Variants in OTOG observed in about 807,000 individuals in gnomAD.
OTOG encodes otogelin.
OTOG carries 296 observed loss-of-function variants against 313.8 expected under a neutral mutation model. That is an observed-to-expected ratio of 0.94 (90% CI 0.86 to 1.04). The LOEUF is 1.04. Ranked by LOEUF, OTOG falls within the 50% of genes least tolerant of loss-of-function variation. The pLI is 0.00. For synonymous variants in OTOG, 1,533 were observed against 1,554.9 expected (o/e 0.99, Z 0.33); for missense variants, 3,948 against 3,840.1 (o/e 1.03, Z -0.74).
chr11:17,610,684 C>A lies in OTOG; in HGVS notation c.5384C>A (p.Pro1795His). The change falls in exon 36 of 56, where the codon CCC (proline) becomes CAC (histidine). Residue 1795 changes from proline (P) to histidine (H), a missense_variant. Transcript: ENST00000399397. ...TTCATGTCCCTTGAGTCAACTCGTC[C>A]CTCCCAGCTCCTCTCTGGCCTGCCT... ...TPFMSLESTR[P>H]SQLLSGLPPD... The A allele has an allele frequency of 6.4e-7, 1 of 1,550,580 alleles. No individual in the cohort carries two copies. Among genetic ancestry groups the A allele is most frequent in the Non-Finnish European group, 8.7e-7 (1 of 1,146,992 alleles).
At chr11:17,583,139 ATTAT>A (rs931891277) in intron 23 of OTOG, among the ~76,000 whole-genome samples, 7 of 150,592 alleles carry the variant, frequency 4.6e-5, no homozygotes, top group African/African-American at 1.7e-4. Flanking sequence ...ATTTATTATT[ATTAT>A]TTTTTTTTAC....
chr11:17,567,654 T>C, intron 15 of OTOG, among the ~76,000 whole-genome samples: 1 of 152,202 alleles, frequency 6.6e-6, no homozygotes, highest in South Asian at 2.1e-4. Flanking sequence ...TTGAACCTTA[T>C]CTTAAACCAC....
chr11:17,612,802 G>A, intron 38 of OTOG, 37 bp downstream of exon 38: 2 of 1,542,952 alleles, frequency 1.3e-6, no homozygotes, highest in Non-Finnish European at 1.8e-6. Flanking sequence ...CTGGGGACTA[G>A]GAATGGGACT....
intron 15 of OTOG, among the ~76,000 whole-genome samples, chr11:17,567,873 A>C (rs1475417635): frequency 1.3e-5 from 2 of 150,334 alleles, no homozygotes; most frequent in African/African-American, 4.9e-5. Context: ...CTAATCTGCA[A>C]AATGGGGATG....
rs1268034562 is a variant in OTOG, at chr11:17,609,210, G to A, written c.4354+1G>A. 1 of 1,550,164 alleles carries A rather than the reference G, an allele frequency of 6.5e-7. No individual in the cohort carries two copies. Among genetic ancestry groups the A allele is most frequent in the East Asian group, 2.4e-5 (1 of 40,908 alleles). ...CAGAGATGTGTCTACTTGGAGGACT[G>A]TAAGTGGCCCAGACTTCTCATCCTT... On this transcript the variant is annotated splice_donor_variant, in intron 35 of 55. Coordinates refer to ENST00000399397, the MANE Select transcript of OTOG (RefSeq NM_001292063.2). LOFTEE classifies it high-confidence loss of function.
Position 17,635,650 on chromosome 11 carries a change from A to G in OTOG, c.7734A>G (p.Glu2578=), listed in dbSNP as rs1854247213. The part of the protein sequence containing the change: ...DCPDSIPECQ[E]GEALTVHRNT... ...CAGACTCCATCCCCGAATGTCAAGA[A>G]GGGGAGGCGCTCACTGTGCACAGGA... The change falls in exon 47 of 56, where the codon GAA becomes GAG. Residue 2578 remains glutamate (E), a synonymous_variant. Transcript: ENST00000399397. The G allele has an allele frequency of 6.4e-7, 1 of 1,550,396 alleles. No homozygotes were observed. The highest frequency in any genetic ancestry group is 2.0e-5 in the Admixed American group (1 of 50,974).
chr11:17,644,319 G>C (rs571352968), intron 54 of OTOG, among the ~76,000 whole-genome samples: 1 of 152,392 alleles, frequency 6.6e-6, no homozygotes, highest in South Asian at 2.1e-4. Context: ...GGAGCAGAGA[G>C]GGAAGACAAA....
intron 25 of OTOG, among the ~76,000 whole-genome samples, chr11:17,592,524 G>C (rs1252614969): frequency 6.6e-6 from 1 of 152,018 alleles, no homozygotes; most frequent in Non-Finnish European, 1.5e-5. Context: ...AATCCTGCAA[G>C]AACTTTTTTC....
At chr11:17,580,193 T>C (rs1229363746) in intron 23 of OTOG, among the ~76,000 whole-genome samples, 1 of 152,224 alleles carries the variant, frequency 6.6e-6, no homozygotes, top group African/African-American at 2.4e-5. Flanking sequence ...TGCCTCCATA[T>C]TTCTTTGAAT....
Position 17,641,731 on chromosome 11 carries a change from C to T in OTOG, c.8191-116C>T, listed in dbSNP as rs150961822. 3.6e-3 allele frequency: 2,509 copies of T among 704,464 alleles called. 8 individuals carry two copies. Among genetic ancestry groups the T allele is most frequent in the Non-Finnish European group, 4.8e-3 (2,081 of 430,224 alleles). The allele number at this position is 704,464 out of a possible 1,614,324, so 43.6% of individuals were successfully genotyped here. A position where few individuals can be genotyped will look rare whatever the true frequency, so the allele number is the denominator to read the frequency against. ...GAAGGAGGCTGGGAGCGCCTCTTCT[C>T]GAGCACTTACAGAGGGTCCTTCCAG... On this transcript the variant is annotated intron_variant, in intron 51 of 55. Coordinates refer to ENST00000399397, the MANE Select transcript of OTOG (RefSeq NM_001292063.2).
chr11:17,630,485 A>T (rs1428491607), intron 40 of OTOG, among the ~76,000 whole-genome samples: 3 of 152,236 alleles, frequency 2.0e-5, no homozygotes, highest in African/African-American at 7.2e-5. Flanking sequence ...ATCATGCTTT[A>T]TATTCACAGA....
chr11:17,593,956 A>G lies in OTOG; in HGVS notation c.3289-91A>G, dbSNP rs530832371. 319 of 1,507,198 alleles carry G rather than the reference A, an allele frequency of 2.1e-4. 1 individual carries two copies. In the Middle Eastern group the frequency reaches 2.8e-3, roughly 13 times the overall value. 93.4% of individuals were successfully genotyped at this position (1,507,198 alleles called of 1,614,324 possible). A position where few individuals can be genotyped will look rare whatever the true frequency, so the allele number is the denominator to read the frequency against. On this transcript the variant is annotated intron_variant, in intron 27 of 55. Coordinates refer to ENST00000399397, the MANE Select transcript of OTOG (RefSeq NM_001292063.2). ...GACCTCAGCAGTGGCTTCTAGGTCT[A>G]TGATAGACTCCTGGGCTCATGGTGA...
chr11:17,583,892 C>T (rs1223419770), intron 23 of OTOG, among the ~76,000 whole-genome samples: 1 of 152,044 alleles, frequency 6.6e-6, no homozygotes, highest in Non-Finnish European at 1.5e-5. Flanking sequence ...ATTTATAGAT[C>T]AATTTGGGGA....
chr11:17,564,255 G>C (rs563617411), intron 15 of OTOG, among the ~76,000 whole-genome samples: 2 of 152,314 alleles, frequency 1.3e-5, no homozygotes, highest in East Asian at 3.9e-4. Flanking sequence ...AGGGAGGTCA[G>C]CGTGTCCTCA....
intron 48 of OTOG, 41 bp from the exon 49 acceptor site, chr11:17,639,382 C>A (rs1847919653): frequency 6.5e-7 from 1 of 1,547,766 alleles, no homozygotes; most frequent in Non-Finnish European, 8.7e-7. Flanking sequence ...CCTACCTGGA[C>A]ATCCCTGATG....
At position 17,576,920 on chromosome 11, in the gene OTOG, G is replaced by A; in HGVS notation, c.2605+9G>A. The stretch of plus-strand genomic sequence containing the variant: ...TGATAGCAGAGCCCCAGGTAAGGGT[G>A]GGTGGAGGGGTGGAGCCCTTCTGGG... On this transcript the variant is annotated intron_variant, in intron 22 of 55. Coordinates refer to ENST00000399397, the MANE Select transcript of OTOG (RefSeq NM_001292063.2). 1.3e-6 allele frequency: 2 copies of A among 1,550,100 alleles called. No individual in the cohort carries two copies. The highest frequency in any genetic ancestry group is 1.7e-6 in the Non-Finnish European group (2 of 1,146,782).
chr11:17,604,206 C>T (rs943828458), intron 32 of OTOG, among the ~76,000 whole-genome samples: 5 of 152,342 alleles, frequency 3.3e-5, no homozygotes, highest in East Asian at 1.9e-4. Flanking sequence ...GGATGGCAGG[C>T]GAAGTCACTC....
chr11:17,586,631 G>A, intron 24 of OTOG, 50 bp downstream of exon 24: 2 of 909,438 alleles, frequency 2.2e-6, no homozygotes, highest in South Asian at 3.0e-5. Flanking sequence ...GAGGGGGCAT[G>A]GATATGGGTG....
Position 17,586,510 on chromosome 11 carries a change from G to T in OTOG, c.2796G>T (p.Glu932Asp). ...LRHGDACFLP[E>D]ECPCTWKGKE... is the part of the protein sequence containing the mutation. ...ACGGGGATGCATGTTTCCTGCCAGA[G>T]GAGTGCCCCTGCACTTGGAAGGGGA... Residue 932 changes from glutamate (E) to aspartate (D), a missense_variant, in exon 24 of 56, where the codon GAG (glutamate) becomes GAT (aspartate). Glu to Asp is a conservative substitution (Grantham distance 45). Transcript: ENST00000399397. 1 of 1,449,550 alleles carries T rather than the reference G, an allele frequency of 6.9e-7. No homozygotes were observed. Among genetic ancestry groups the T allele is most frequent in the Non-Finnish European group, 9.1e-7 (1 of 1,096,082 alleles). 89.8% of individuals were successfully genotyped at this position (1,449,550 alleles called of 1,614,324 possible).
Sources: allele counts gnomAD v4.1 joint callset (sites outside exome capture counted in the v4.1 genomes callset), GRCh38; gene constraint gnomAD v4.1.1; transcripts MANE v1.5; gene names NCBI Gene and HGNC (gene_info 2026-07-23, HGNC 2026-07-21).